Variants in OGDHL observed in about 807,000 individuals in gnomAD.
OGDHL encodes the protein 2-oxoglutarate dehydrogenase-like, mitochondrial.
A neutral mutation model predicts 109.6 loss-of-function variants in OGDHL; 79 were observed. The observed-to-expected ratio is 0.72, with a 90% CI of 0.60 to 0.87. The LOEUF (loss-of-function observed/expected upper bound fraction) is 0.87. OGDHL is among the 40% of genes least tolerant of loss of function. OGDHL has a pLI of 0.00. For synonymous variants in OGDHL, 528 were observed against 537.2 expected (o/e 0.98, Z 0.24); for missense variants, 1,275 against 1,362.2 (o/e 0.94, Z 1.01).
intron 1 of OGDHL, among the ~76,000 whole-genome samples, chr10:49,759,660 C>A (rs1281152567): frequency 6.6e-6 from 1 of 152,078 alleles, no homozygotes; most frequent in African/African-American, 2.4e-5. Context: ...TAAAGTGGGA[C>A]CTCTGTTCCC....
intron 14 of OGDHL, 79 bp downstream of exon 14, chr10:49,743,915 A>G: frequency 6.5e-7 from 1 of 1,543,858 alleles, no homozygotes; most frequent in Non-Finnish European, 8.8e-7. Flanking sequence ...TCTCTCTTGC[A>G]TCCCAACCAA....
rs762790395 is a variant in OGDHL at position 49,737,917 on chromosome 10, T to C, written c.2517+30A>G. On this transcript the variant is annotated intron_variant, in intron 19 of 22. Coordinates refer to ENST00000374103, the MANE Select transcript of OGDHL (RefSeq NM_018245.3). ...GCCCTGCCTGGCCAGGCCCCCTGCC[T>C]GTGACCCCTGCCCTGGGACGGAGAC... 35 of 1,614,020 alleles carry C rather than the reference T, an allele frequency of 2.2e-5. 1 individual carries two copies. The highest frequency in any genetic ancestry group is 1.9e-4 in the South Asian group (17 of 91,090).
intron 17 of OGDHL, 52 bp from the exon 18 acceptor site, chr10:49,738,314 T>A: frequency 6.2e-7 from 1 of 1,600,410 alleles, no homozygotes; most frequent in Non-Finnish European, 8.5e-7. Flanking sequence ...GGGAAAGACA[T>A]CTGGCCCTGC....
At chr10:49,744,238 G>T in intron 13 of OGDHL, 116 bp from the exon 14 acceptor site, 1 of 1,354,090 alleles carries the variant, frequency 7.4e-7, no homozygotes. Context: ...ACCGGCACTC[G>T]GACTCACCCT....
At chr10:49,735,899 C>T in intron 22 of OGDHL, 124 bp downstream of exon 22, 1 of 1,069,584 alleles carries the variant, frequency 9.3e-7, no homozygotes. Flanking sequence ...TGATGATGCC[C>T]CATCATTGCT....
chr10:49,748,742 CCACACACACACACACACACA>C (rs3223401), intron 8 of OGDHL, among the ~76,000 whole-genome samples: 3 of 133,884 alleles, frequency 2.2e-5, no homozygotes, highest in Non-Finnish European at 4.8e-5. Flanking sequence ...AGGTATGGGT[CCACACACACACACACACACA>C]CACACACACA....
intron 18 of OGDHL, 54 bp from the exon 19 acceptor site, chr10:49,738,126 T>G: frequency 1.9e-6 from 3 of 1,614,014 alleles, no homozygotes; most frequent in Non-Finnish European, 2.5e-6. Flanking sequence ...ACCCACACCC[T>G]GGACCCCTAG....
Position 49,736,059 on chromosome 10 carries a change from C to CATA in OGDHL, c.2872_2873insTAT (p.Arg958delinsLeuCys). On this transcript the variant is annotated protein_altering_variant, in exon 22 of 23. Transcript: ENST00000374103. ...TGCGCGCCTCAGGATGGTCATGAAG[C>CATA]GTGGGCTGATGTAGTCATAGTAGCC... The CATA allele has an allele frequency of 6.2e-7, 1 of 1,606,060 alleles. No homozygotes were observed. Among genetic ancestry groups the CATA allele is most frequent in the Non-Finnish European group, 8.5e-7 (1 of 1,176,142 alleles).
chr10:49,740,850 A>G lies in OGDHL; in HGVS notation c.2013-13T>C, dbSNP rs759248871. The G allele has an allele frequency of 6.2e-7, 1 of 1,613,434 alleles. No homozygotes were observed. Among genetic ancestry groups the G allele is most frequent in the African/African-American group, 1.3e-5 (1 of 74,908 alleles). On this transcript the variant is annotated splice_polypyrimidine_tract_variant and intron_variant, in intron 15 of 22. Coordinates refer to ENST00000374103, the MANE Select transcript of OGDHL (RefSeq NM_018245.3). ...ATGGTGCCGGTGACTGCAGAGACAC[A>G]GACCGGGGCAGGGACAGAGGGCAGG...
chr10:49,740,964 C>A, intron 15 of OGDHL, 127 bp from the exon 16 acceptor site: 1 of 1,200,972 alleles, frequency 8.3e-7, no homozygotes, highest in Non-Finnish European at 1.2e-6. Flanking sequence ...CCTGCAGGGT[C>A]CCACAACATG....
At chr10:49,745,751 A>G in intron 11 of OGDHL, 47 bp downstream of exon 11, 1 of 1,594,744 alleles carries the variant, frequency 6.3e-7, no homozygotes, top group Non-Finnish European at 8.6e-7. Flanking sequence ...TCAGCACAGC[A>G]GGGATGGGCC....
At position 49,737,908 on chromosome 10, in the gene OGDHL, C is replaced by A. The variant is rs112990735; in HGVS notation, c.2517+39G>T. ...TGCCAGCTGGCCCTGCCTGGCCAGGCCCCCTGCCTGTGACCCCTGCCCTGG... is the reference window on the plus strand; with the variant it reads ...TGCCAGCTGGCCCTGCCTGGCCAGGACCCCTGCCTGTGACCCCTGCCCTGG... On this transcript the variant is annotated intron_variant, in intron 19 of 22. Transcript: ENST00000374103. 1,332 of 1,614,002 alleles carry A rather than the reference C, an allele frequency of 8.3e-4. 11 individuals are homozygous for A. In the African/African-American group the frequency reaches 0.016, roughly 19 times the overall value.
At chr10:49,739,937 AC>A in intron 16 of OGDHL, 98 bp from the exon 17 acceptor site, 1 of 1,263,572 alleles carries the variant, frequency 7.9e-7, no homozygotes, top group Non-Finnish European at 1.1e-6. Flanking sequence ...CCATGCCCCC[AC>A]CCATCCTTCT....
At chr10:49,756,282 A>T (rs1842909863) in intron 3 of OGDHL, among the ~76,000 whole-genome samples, 2 of 152,178 alleles carry the variant, frequency 1.3e-5, no homozygotes, top group African/African-American at 4.8e-5. Context: ...TGGGACTCTG[A>T]CAGAGCAGGG....
intron 7 of OGDHL, 82 bp downstream of exon 7, chr10:49,750,757 T>C: frequency 6.8e-7 from 1 of 1,477,476 alleles, no homozygotes; most frequent in Non-Finnish European, 9.1e-7. Flanking sequence ...ACACCTCCGC[T>C]CTGATTTCCA....
At chr10:49,740,937 G>C (rs1457717887) in intron 15 of OGDHL, 100 bp from the exon 16 acceptor site, 2 of 1,471,630 alleles carry the variant, frequency 1.4e-6, no homozygotes, top group Non-Finnish European at 1.9e-6. Context: ...GCAAGCCTCC[G>C]TCACTGTCCC....
chr10:49,736,187 C>A lies in OGDHL; in HGVS notation c.2755-10G>T. 6.3e-7 allele frequency: 1 copy of A among 1,580,992 alleles called. No individual in the cohort carries two copies. Among genetic ancestry groups the A allele is most frequent in the East Asian group, 2.2e-5 (1 of 44,670 alleles). Reference sequence around the variant, plus strand: ...AGGGGAATGGAGAGATCTGGGGAGGCAGAAACAAAGGAGCATAGCCAGAGG... The same window carrying A: ...AGGGGAATGGAGAGATCTGGGGAGGAAGAAACAAAGGAGCATAGCCAGAGG... On this transcript the variant is annotated splice_polypyrimidine_tract_variant and intron_variant, in intron 21 of 22. Coordinates refer to ENST00000374103, the MANE Select transcript of OGDHL (RefSeq NM_018245.3).
chr10:49,758,876 C>T (rs533765301), intron 1 of OGDHL, among the ~76,000 whole-genome samples: 4 of 152,284 alleles, frequency 2.6e-5, no homozygotes, highest in Non-Finnish European at 4.4e-5. Flanking sequence ...CCCGGATAGT[C>T]CCCAAAGCCT....
At chr10:49,738,542 TG>T (rs1175472715) in intron 17 of OGDHL, 6 of 485,016 alleles carry the variant, frequency 1.2e-5, no homozygotes, top group African/African-American at 9.7e-5. Context: ...TGGAATGTCC[TG>T]GAACAGTGGC....
Sources: gnomAD v4.1 joint callset for allele counts (sites outside exome capture counted in the v4.1 genomes callset) on GRCh38, gnomAD v4.1.1 for gene constraint, MANE v1.5 for transcripts, NCBI Gene and HGNC (gene_info 2026-07-23, HGNC 2026-07-21) for gene names.